Variants in RANBP10 observed in about 807,000 individuals in gnomAD.
RANBP10 encodes RAN binding protein 10, also known as ran-binding protein 10.
A neutral mutation model predicts 72.8 loss-of-function variants in RANBP10; 24 were observed. The observed-to-expected ratio is 0.33, with a 90% CI of 0.24 to 0.46. The LOEUF is 0.46. RANBP10 is among the 20% of genes least tolerant of loss of function. The pLI is 1.00. For synonymous variants in RANBP10, 310 were observed against 322.3 expected, an observed-to-expected ratio of 0.96 and a Z score of 0.41; for missense variants, 679 against 817.5, an observed-to-expected ratio of 0.83 and a Z score of 2.07.
At chr16:67,787,117 T>TG (rs1161542375) in intron 2 of RANBP10, among the ~76,000 whole-genome samples, 1 of 152,064 alleles carries the variant, frequency 6.6e-6, no homozygotes, top group African/African-American at 2.4e-5. Context: ...CACATGCCTG[T>TG]GATCTCAGCT....
chr16:67,754,980 G>A (rs1212549137), intron 3 of RANBP10, among the ~76,000 whole-genome samples: 2 of 152,154 alleles, frequency 1.3e-5, no homozygotes. Context: ...GGAAACTGAG[G>A]CACTAAGAGG....
intron 2 of RANBP10, among the ~76,000 whole-genome samples, chr16:67,793,382 G>A (rs538924103): frequency 2.7e-5 from 4 of 150,636 alleles, no homozygotes; most frequent in South Asian, 4.2e-4. Flanking sequence ...CACGACCACG[G>A]CTCATTGCAA....
At chr16:67,769,936 G>A (rs2054579578) in intron 3 of RANBP10, among the ~76,000 whole-genome samples, 1 of 151,756 alleles carries the variant, frequency 6.6e-6, no homozygotes, top group Non-Finnish European at 1.5e-5. Context: ...ATGGTAGCTT[G>A]TATCTGTAGT....
At chr16:67,739,232 C>T (rs1376542014) in intron 4 of RANBP10, among the ~76,000 whole-genome samples, 1 of 152,210 alleles carries the variant, frequency 6.6e-6, no homozygotes, top group African/African-American at 2.4e-5. Context: ...TCCCAAAGTG[C>T]TGGGATTACA....
intron 2 of RANBP10, among the ~76,000 whole-genome samples, chr16:67,789,309 C>CAA (rs1212571635): frequency 7.7e-6 from 1 of 129,978 alleles, no homozygotes; most frequent in Non-Finnish European, 1.6e-5. Flanking sequence ...GACTCCATCT[C>CAA]AAAAAAAAAA....
chr16:67,727,201 G>T, intron 13 of RANBP10, 126 bp downstream of exon 13: 1 of 906,562 alleles, frequency 1.1e-6, no homozygotes, highest in Non-Finnish European at 1.6e-6. Flanking sequence ...GCTGAGGCAC[G>T]AAAATTGCTT....
intron 2 of RANBP10, among the ~76,000 whole-genome samples, chr16:67,778,188 A>G (rs561056459): frequency 6.6e-6 from 1 of 152,270 alleles, no homozygotes; most frequent in Admixed American, 6.5e-5. Flanking sequence ...CGTCGCTACT[A>G]AAAATACAAA....
intron 6 of RANBP10, among the ~76,000 whole-genome samples, chr16:67,731,873 T>C (rs2053740540): frequency 6.6e-6 from 1 of 152,116 alleles, no homozygotes; most frequent in Non-Finnish European, 1.5e-5. Flanking sequence ...TAAGCGAGTA[T>C]GATAACAGAA....
chr16:67,746,893 T>C (rs1174298933), intron 3 of RANBP10, among the ~76,000 whole-genome samples: 1 of 152,242 alleles, frequency 6.6e-6, no homozygotes, highest in Non-Finnish European at 1.5e-5. Context: ...TAGTACTCCA[T>C]GTTATGGATA....
intron 3 of RANBP10, among the ~76,000 whole-genome samples, chr16:67,754,132 CAAAAAA>C (rs67996811): frequency 1.5e-5 from 1 of 68,806 alleles, no homozygotes; most frequent in Non-Finnish European, 3.1e-5. Flanking sequence ...GAGTCCTTCT[CAAAAAA>C]AAAAAAAAAA....
chr16:67,783,193 C>A (rs911156770), intron 2 of RANBP10, among the ~76,000 whole-genome samples: 7 of 152,272 alleles, frequency 4.6e-5, no homozygotes, highest in Non-Finnish European at 1.5e-5. Flanking sequence ...GGAGACCCTG[C>A]TGCAGTGAGA....
chr16:67,773,800 C>A (rs1011946055), intron 2 of RANBP10, among the ~76,000 whole-genome samples: 1 of 152,178 alleles, frequency 6.6e-6, no homozygotes, highest in Non-Finnish European at 1.5e-5. Flanking sequence ...TTTTAAGCAG[C>A]ATTTGAGACA....
chr16:67,757,757 A>C (rs1355106185), intron 3 of RANBP10, among the ~76,000 whole-genome samples: 3 of 152,170 alleles, frequency 2.0e-5, no homozygotes, highest in Non-Finnish European at 2.9e-5. Context: ...CTGTCACAGC[A>C]CTCCCATGGC....
chr16:67,742,200 G>A (rs1047632053), intron 4 of RANBP10, among the ~76,000 whole-genome samples: 10 of 151,814 alleles, frequency 6.6e-5, no homozygotes, highest in African/African-American at 2.4e-4. Context: ...GTGAGCCACC[G>A]CGCTCGGCCA....
At chr16:67,797,971 C>G (rs1258508069) in intron 2 of RANBP10, among the ~76,000 whole-genome samples, 1 of 127,840 alleles carries the variant, frequency 7.8e-6, no homozygotes, top group Non-Finnish European at 1.6e-5. Flanking sequence ...GCCTGAGTGA[C>G]AGAGAGAGAC....
chr16:67,753,862 C>T (rs991659842), intron 3 of RANBP10, among the ~76,000 whole-genome samples: 1 of 152,050 alleles, frequency 6.6e-6, no homozygotes, highest in African/African-American at 2.4e-5. Context: ...AGGCTGGTCG[C>T]GGTGGCTCAT....
At chr16:67,761,790 C>T (rs1597872547) in intron 3 of RANBP10, among the ~76,000 whole-genome samples, 1 of 152,250 alleles carries the variant, frequency 6.6e-6, no homozygotes, top group African/African-American at 2.4e-5. Flanking sequence ...AGACTGGTCT[C>T]GAACTCCTGA....
At chr16:67,767,454 CAAAAAAAAAAAAAAAAAA>C (rs1178049394) in intron 3 of RANBP10, among the ~76,000 whole-genome samples, 1 of 64,074 alleles carries the variant, frequency 1.6e-5, no homozygotes, top group Non-Finnish European at 3.5e-5. Context: ...GACCCTGTTT[CAAAAAAAAAAAAAAAAAA>C]AAAAAAAAGC....
chr16:67,731,097 C>A, intron 7 of RANBP10: 1 of 259,036 alleles, frequency 3.9e-6, no homozygotes, highest in Non-Finnish European at 7.6e-6. Flanking sequence ...TAGGAATAAG[C>A]AGAACTACTA....
Sources: gnomAD v4.1 joint callset for allele counts (sites outside exome capture counted in the v4.1 genomes callset) on GRCh38, gnomAD v4.1.1 for gene constraint, MANE v1.5 for transcripts, NCBI Gene and HGNC (gene_info 2026-07-23, HGNC 2026-07-21) for gene names.